Variants in SYT1 observed in about 807,000 individuals in gnomAD.
The protein encoded by SYT1 is synaptotagmin 1.
In SYT1, 8 loss-of-function variants were observed where a neutral mutation model predicts 44.8. The ratio of observed to expected loss-of-function variants is 0.18; its 90% CI spans 0.10 to 0.32. The LOEUF (loss-of-function observed/expected upper bound fraction) is 0.32, where lower values mean the gene tolerates loss of function less well. Ranked by LOEUF, SYT1 falls within the 10% of genes least tolerant of loss-of-function variation. The pLI, the probability that SYT1 is intolerant of heterozygous loss-of-function variation, is 1.00. For missense variants in SYT1, 286 were observed against 509.3 expected, an observed-to-expected ratio of 0.56 and a Z score of 4.22; for synonymous variants, 154 against 188.8, an observed-to-expected ratio of 0.82 and a Z score of 1.51.
chr12:79,410,065 T>G (rs563137582), intron 9 of SYT1, among the ~76,000 whole-genome samples: 1 of 152,246 alleles, frequency 6.6e-6, no homozygotes, highest in African/African-American at 2.4e-5. Context: ...TGAGTGTGTT[T>G]ACAGAGGCAG....
At chr12:79,324,671 T>C (rs1194333719) in intron 8 of SYT1, among the ~76,000 whole-genome samples, 1 of 152,140 alleles carries the variant, frequency 6.6e-6, no homozygotes, top group Admixed American at 6.5e-5. Context: ...CTGCGGTGCA[T>C]CTGTGGGGTT....
chr12:79,243,644 T>A (rs1047475196), intron 4 of SYT1, among the ~76,000 whole-genome samples: 6 of 152,188 alleles, frequency 3.9e-5, no homozygotes, highest in African/African-American at 1.4e-4. Flanking sequence ...GGCAGAGTTG[T>A]CACTTTAAAG....
intron 1 of SYT1, among the ~76,000 whole-genome samples, chr12:78,938,614 A>G (rs1878191553): frequency 6.6e-6 from 1 of 152,234 alleles, no homozygotes; most frequent in Non-Finnish European, 1.5e-5. Context: ...TGCCAAGCAT[A>G]CTAAATTACA....
chr12:79,084,095 A>G (rs1246980998), intron 3 of SYT1, among the ~76,000 whole-genome samples: 3 of 152,156 alleles, frequency 2.0e-5, no homozygotes, highest in South Asian at 4.2e-4. Flanking sequence ...AGATGTAACT[A>G]TTTACCAGAT....
At chr12:79,141,931 G>T (rs879660428) in intron 3 of SYT1, among the ~76,000 whole-genome samples, 1 of 152,224 alleles carries the variant, frequency 6.6e-6, no homozygotes, top group African/African-American at 2.4e-5. Flanking sequence ...TGCTGCCCAA[G>T]TGCATCAGAA....
chr12:79,039,819 G>C (rs1034812359), intron 2 of SYT1, among the ~76,000 whole-genome samples: 3 of 128,628 alleles, frequency 2.3e-5, no homozygotes, highest in Non-Finnish European at 4.7e-5. Flanking sequence ...TCCCCTTCCT[G>C]TGTCCATGTG....
intron 2 of SYT1, among the ~76,000 whole-genome samples, chr12:79,036,826 C>A (rs1202923863): frequency 6.6e-6 from 1 of 151,720 alleles, no homozygotes; most frequent in Non-Finnish European, 1.5e-5. Flanking sequence ...AGAGTGTTCA[C>A]AATGGCCCAT....
intron 8 of SYT1, among the ~76,000 whole-genome samples, chr12:79,326,961 G>A (rs542085491): frequency 1.3e-5 from 2 of 152,222 alleles, no homozygotes; most frequent in South Asian, 2.1e-4. Context: ...CAAATGGCTG[G>A]ACAAGCCCTT....
chr12:79,411,618 A>G (rs1217794226), intron 9 of SYT1, among the ~76,000 whole-genome samples: 1 of 152,162 alleles, frequency 6.6e-6, no homozygotes, highest in African/African-American at 2.4e-5. Context: ...AAATATTTGA[A>G]ACAAACATAA....
At chr12:79,357,107 T>A (rs1037134014) in intron 9 of SYT1, among the ~76,000 whole-genome samples, 4 of 152,292 alleles carry the variant, frequency 2.6e-5, no homozygotes, top group Admixed American at 2.0e-4. Context: ...GTAAAATAAT[T>A]TTCTTATTGC....
intron 8 of SYT1, among the ~76,000 whole-genome samples, chr12:79,303,304 T>C (rs1231304937): frequency 6.6e-6 from 1 of 152,136 alleles, no homozygotes; most frequent in Non-Finnish European, 1.5e-5. Context: ...AACATTTTGT[T>C]CCTATTTATA....
chr12:79,017,213 A>G (rs1774701451), intron 2 of SYT1, among the ~76,000 whole-genome samples: 1 of 152,140 alleles, frequency 6.6e-6, no homozygotes, highest in Non-Finnish European at 1.5e-5. Flanking sequence ...AGATCAGGAG[A>G]CAAGAATATT....
chr12:79,294,469 C>G (rs1879783471), intron 6 of SYT1, among the ~76,000 whole-genome samples: 1 of 151,986 alleles, frequency 6.6e-6, no homozygotes, highest in Admixed American at 6.6e-5. Flanking sequence ...AAAGACAACC[C>G]TAAAATATTC....
At chr12:79,362,725 A>T (rs1267294008) in intron 9 of SYT1, among the ~76,000 whole-genome samples, 1 of 152,208 alleles carries the variant, frequency 6.6e-6, no homozygotes, top group East Asian at 1.9e-4. Context: ...ATACCTACCT[A>T]TTTATCACAT....
chr12:79,040,341 T>A (rs1873461148), intron 2 of SYT1, among the ~76,000 whole-genome samples: 1 of 152,194 alleles, frequency 6.6e-6, no homozygotes, highest in Non-Finnish European at 1.5e-5. Flanking sequence ...GGTATCTCAT[T>A]GTGGTTTCGA....
chr12:79,360,713 G>A (rs1358007776), intron 9 of SYT1, among the ~76,000 whole-genome samples: 1 of 152,094 alleles, frequency 6.6e-6, no homozygotes, highest in Non-Finnish European at 1.5e-5. Flanking sequence ...ATAATTTTAG[G>A]CATGAATGTT....
At chr12:78,902,185 A>C (rs933838440) in intron 1 of SYT1, among the ~76,000 whole-genome samples, 1 of 134,898 alleles carries the variant, frequency 7.4e-6, no homozygotes, top group African/African-American at 3.2e-5. Flanking sequence ...TTAAAGTATA[A>C]TAATAAATAT....
intron 3 of SYT1, among the ~76,000 whole-genome samples, chr12:79,116,033 C>T (rs1331918330): frequency 6.6e-6 from 1 of 152,172 alleles, no homozygotes; most frequent in East Asian, 1.9e-4. Context: ...TTGTTTGATA[C>T]CTGGTTCTGT....
intron 1 of SYT1, among the ~76,000 whole-genome samples, chr12:78,887,685 T>C (rs2137067732): frequency 6.6e-6 from 1 of 152,016 alleles, no homozygotes; most frequent in African/African-American, 2.4e-5. Context: ...GGACAAGAGC[T>C]CCTCATAAGT....
Sources: gnomAD v4.1 joint callset for allele counts (sites outside exome capture counted in the v4.1 genomes callset) on GRCh38, gnomAD v4.1.1 for gene constraint, MANE v1.5 for transcripts, NCBI Gene and HGNC (gene_info 2026-07-23, HGNC 2026-07-21) for gene names.